MPP7: variants seen among roughly 807,000 people sequenced by gnomAD.
MPP7 encodes the protein MAGUK p55 scaffold protein 7.
In MPP7, 60 loss-of-function variants were observed where a neutral mutation model predicts 76.5. The ratio of observed to expected loss-of-function variants is 0.78; its 90% CI spans 0.64 to 0.97. The LOEUF (loss-of-function observed/expected upper bound fraction) is 0.97. Among genes scored for constraint, MPP7 ranks in the 50% least tolerant of loss-of-function variants. MPP7 has a pLI of 0.00. For synonymous variants in MPP7, 237 were observed against 244.5 expected, an observed-to-expected ratio of 0.97 and a Z score of 0.29; for missense variants, 641 against 694.0, an observed-to-expected ratio of 0.92 and a Z score of 0.86.
At chr10:28,065,633 C>T (rs1049273327) in intron 13 of MPP7, among the ~76,000 whole-genome samples, 2 of 152,160 alleles carry the variant, frequency 1.3e-5, no homozygotes, top group Non-Finnish European at 1.5e-5. Flanking sequence ...AATAGGAGCC[C>T]TCTTCCCATG....
chr10:28,126,032 GT>G (rs1235167979), intron 6 of MPP7, among the ~76,000 whole-genome samples: 1 of 152,148 alleles, frequency 6.6e-6, no homozygotes, highest in Non-Finnish European at 1.5e-5. Context: ...TTTTTCTCCA[GT>G]TTGTCAATAA....
upstream of MPP7, chr10:28,303,163 C>T (rs911142280): frequency 6.7e-6 from 1 of 148,188 alleles, no homozygotes; most frequent in African/African-American, 2.5e-5. Flanking sequence ...GCTGCGAAGG[C>T]GATAGGCGTC....
At chr10:28,292,205 G>A (rs1840937749) in intron 1 of MPP7, among the ~76,000 whole-genome samples, 1 of 152,176 alleles carries the variant, frequency 6.6e-6, no homozygotes, top group Non-Finnish European at 1.5e-5. Flanking sequence ...GTGTGTAGTA[G>A]GCTGTGTTAT....
intron 2 of MPP7, among the ~76,000 whole-genome samples, chr10:28,328,150 T>G (rs1388980853): frequency 1.3e-5 from 2 of 152,194 alleles, no homozygotes; most frequent in African/African-American, 4.8e-5. Flanking sequence ...CTCAGCTCAG[T>G]CAGATTTAAT....
chr10:28,126,707 G>C (rs764555823), intron 6 of MPP7, among the ~76,000 whole-genome samples: 4 of 152,134 alleles, frequency 2.6e-5, no homozygotes, highest in Non-Finnish European at 5.9e-5. Context: ...TTCCCTCCTT[G>C]TATGTGCATG....
intron 11 of MPP7, among the ~76,000 whole-genome samples, chr10:28,104,377 T>C (rs543588400): frequency 1.7e-3 from 256 of 152,326 alleles, no homozygotes; most frequent in Admixed American, 4.6e-3. Flanking sequence ...TTACGATAAG[T>C]CACAGAACAT....
intron 1 of MPP7, among the ~76,000 whole-genome samples, chr10:28,332,718 G>A (rs914153283): frequency 6.6e-6 from 1 of 152,124 alleles, no homozygotes; most frequent in African/African-American, 2.4e-5. Flanking sequence ...CTAGAGTGCA[G>A]TGGCACAATC....
chr10:28,189,191 TAA>T (rs1837327389), intron 3 of MPP7, among the ~76,000 whole-genome samples: 1 of 152,130 alleles, frequency 6.6e-6, no homozygotes, highest in African/African-American at 2.4e-5. Flanking sequence ...AGAAATGTTA[TAA>T]GAGATAGGAA....
chr10:28,182,324 T>G (rs1377540970), intron 3 of MPP7, among the ~76,000 whole-genome samples: 6 of 152,216 alleles, frequency 3.9e-5, no homozygotes, highest in Admixed American at 3.9e-4. Flanking sequence ...GTATTTTAAT[T>G]AATGGTCTGG....
intron 3 of MPP7, among the ~76,000 whole-genome samples, chr10:28,187,578 A>T (rs1837278872): frequency 6.6e-6 from 1 of 151,796 alleles, no homozygotes; most frequent in Non-Finnish European, 1.5e-5. Context: ...AAGTAACGTA[A>T]CCTCCCCAAT....
At chr10:28,224,657 C>A (rs922238424) in intron 2 of MPP7, among the ~76,000 whole-genome samples, 9 of 152,082 alleles carry the variant, frequency 5.9e-5, no homozygotes, top group African/African-American at 2.2e-4. Context: ...CCCCATTTAA[C>A]GTAGATTAAT....
intron 2 of MPP7, among the ~76,000 whole-genome samples, chr10:28,309,680 T>C (rs1841278141): frequency 6.6e-6 from 1 of 152,320 alleles, no homozygotes; most frequent in South Asian, 2.1e-4. Flanking sequence ...CCTGAAAATC[T>C]CACATTGAAT....
At chr10:28,219,100 T>C (rs547560968) in intron 2 of MPP7, among the ~76,000 whole-genome samples, 79 of 152,290 alleles carry the variant, frequency 5.2e-4, no homozygotes, top group Non-Finnish European at 8.7e-4. Context: ...TAAAGAGAAT[T>C]TCGTTTAGAA....
chr10:28,171,988 C>T (rs1292235875), intron 3 of MPP7, among the ~76,000 whole-genome samples: 1 of 152,182 alleles, frequency 6.6e-6, no homozygotes, highest in African/African-American at 2.4e-5. Flanking sequence ...CCTGGATACA[C>T]TGAATAATGT....
rs985182463 is a variant in MPP7, at chr10:28,053,709, C to G, written c.*356G>C. 2.0e-5 allele frequency: 4 copies of G among 200,296 alleles called. No homozygotes were observed. Among genetic ancestry groups the G allele is most frequent in the Non-Finnish European group, 4.0e-5 (4 of 101,200 alleles). 12.4% of individuals were successfully genotyped at this position (200,296 alleles called of 1,614,324 possible). On this transcript the variant is annotated 3_prime_UTR_variant, in exon 17 of 17. Transcript: ENST00000683449. ...AACAGCTAACATTCAAACTCGACAGCAGCAGCCACACCTGAGACCAGCAGA... is the reference window on the plus strand; with the variant it reads ...AACAGCTAACATTCAAACTCGACAGGAGCAGCCACACCTGAGACCAGCAGA...
intron 2 of MPP7, among the ~76,000 whole-genome samples, chr10:28,214,475 TC>T (rs1196132109): frequency 6.6e-6 from 1 of 152,140 alleles, no homozygotes; most frequent in Non-Finnish European, 1.5e-5. Flanking sequence ...GCTGGCAAGC[TC>T]CCAAGTCCCC....
intron 1 of MPP7, among the ~76,000 whole-genome samples, chr10:28,255,598 G>A (rs1839759843): frequency 6.6e-6 from 1 of 151,820 alleles, no homozygotes; most frequent in South Asian, 2.1e-4. Context: ...GTAGAGTCAG[G>A]GTTTCAACAT....
At chr10:28,202,571 G>A (rs1029664644) in intron 2 of MPP7, among the ~76,000 whole-genome samples, 3 of 152,100 alleles carry the variant, frequency 2.0e-5, no homozygotes, top group Non-Finnish European at 2.9e-5. Context: ...AGAAGAAAAC[G>A]CATACATTCC....
intron 3 of MPP7, among the ~76,000 whole-genome samples, chr10:28,161,967 T>C (rs571486076): frequency 6.6e-6 from 1 of 152,334 alleles, no homozygotes; most frequent in African/African-American, 2.4e-5. Context: ...TTCTTATTGA[T>C]ATAGTTTACA....
Sources: allele counts gnomAD v4.1 joint callset (sites outside exome capture counted in the v4.1 genomes callset), GRCh38; gene constraint gnomAD v4.1.1; transcripts MANE v1.5; gene names NCBI Gene and HGNC (gene_info 2026-07-23, HGNC 2026-07-21).